DGKB: variants seen among roughly 807,000 people sequenced by gnomAD.
The protein encoded by DGKB is 90 kDa diacylglycerol kinase.
A neutral mutation model predicts 114.3 loss-of-function variants in DGKB; 67 were observed. The ratio of observed to expected loss-of-function variants is 0.59; its 90% CI spans 0.48 to 0.72. The LOEUF (loss-of-function observed/expected upper bound fraction) is 0.72, where lower values mean the gene tolerates loss of function less well. DGKB is among the 30% of genes least tolerant of loss of function. The pLI is 0.00. For missense variants in DGKB, 907 were observed against 975.2 expected (o/e 0.93, Z 0.93); for synonymous variants, 398 against 323.1 (o/e 1.23, Z -2.49).
intron 23 of DGKB, among the ~76,000 whole-genome samples, chr7:14,301,123 T>A (rs1027882100): frequency 1.3e-5 from 2 of 152,174 alleles, no homozygotes; most frequent in African/African-American, 4.8e-5. Flanking sequence ...CTGAAGTTTA[T>A]CTGTTTGCAG....
chr7:14,506,359 T>C (rs1169205667), intron 20 of DGKB, among the ~76,000 whole-genome samples: 1 of 152,076 alleles, frequency 6.6e-6, no homozygotes, highest in African/African-American at 2.4e-5. Flanking sequence ...GTTAAAAACT[T>C]TTGCTTAATC....
chr7:14,751,963 G>T (rs1217949670), intron 4 of DGKB, among the ~76,000 whole-genome samples: 1 of 152,098 alleles, frequency 6.6e-6, no homozygotes, highest in Non-Finnish European at 1.5e-5. Context: ...CCTTTTATGT[G>T]CAAGACACAG....
chr7:14,340,057 C>G (rs1294162030), intron 22 of DGKB, among the ~76,000 whole-genome samples: 1 of 151,404 alleles, frequency 6.6e-6, no homozygotes, highest in East Asian at 1.9e-4. Context: ...TAAAGAAACA[C>G]ATCTTGAGAC....
chr7:14,840,306 AT>A (rs1847745924), intron 2 of DGKB, among the ~76,000 whole-genome samples: 1 of 151,164 alleles, frequency 6.6e-6, no homozygotes, highest in Non-Finnish European at 1.5e-5. Context: ...TTCTTATTGC[AT>A]TCTCTATATA....
chr7:14,962,636 TTGTGTGTGTGTG>T (rs71004348), intron 1 of DGKB, among the ~76,000 whole-genome samples: 7 of 141,938 alleles, frequency 4.9e-5, no homozygotes, highest in Non-Finnish European at 7.7e-5. Context: ...GTGTGTGTGT[TTGTGTGTGTGTG>T]TGTGTGTGTG....
chr7:14,481,806 T>G (rs1289260422), intron 20 of DGKB, among the ~76,000 whole-genome samples: 1 of 151,978 alleles, frequency 6.6e-6, no homozygotes, highest in Non-Finnish European at 1.5e-5. Context: ...TACTAAAAAG[T>G]TTCAAAAGCT....
At chr7:14,569,022 A>G (rs534471257) in intron 20 of DGKB, among the ~76,000 whole-genome samples, 1 of 152,266 alleles carries the variant, frequency 6.6e-6, no homozygotes, top group East Asian at 1.9e-4. Flanking sequence ...CAACTCCACT[A>G]TTTGTTATAT....
intron 1 of DGKB, among the ~76,000 whole-genome samples, chr7:14,931,256 C>T (rs1209707044): frequency 3.3e-5 from 5 of 151,952 alleles, no homozygotes; most frequent in Non-Finnish European, 7.4e-5. Context: ...GGATTACAGG[C>T]GTGCGCCTCC....
intron 2 of DGKB, among the ~76,000 whole-genome samples, chr7:14,824,617 A>C: frequency 6.6e-6 from 1 of 152,142 alleles, no homozygotes; most frequent in Non-Finnish European, 1.5e-5. Context: ...ACTTAAAGAA[A>C]TATTGGTAAA....
chr7:14,514,538 T>C (rs1788476639), intron 20 of DGKB, among the ~76,000 whole-genome samples: 1 of 152,206 alleles, frequency 6.6e-6, no homozygotes, highest in Non-Finnish European at 1.5e-5. Flanking sequence ...GATTTGAATA[T>C]ATAATTTAAT....
chr7:14,393,116 C>A (rs370299781), intron 21 of DGKB, among the ~76,000 whole-genome samples: 10 of 151,056 alleles, frequency 6.6e-5, no homozygotes, highest in South Asian at 2.1e-4. Flanking sequence ...CAGCCTCCCG[C>A]GTAGCTGGGA....
intron 1 of DGKB, among the ~76,000 whole-genome samples, chr7:14,883,384 T>C (rs777091714): frequency 6.6e-6 from 1 of 151,986 alleles, no homozygotes; most frequent in African/African-American, 2.4e-5. Context: ...TAATGTTTGA[T>C]TAAATGACTA....
intron 1 of DGKB, among the ~76,000 whole-genome samples, chr7:14,899,205 T>C (rs111894731): frequency 5.8e-4 from 88 of 152,276 alleles, no homozygotes; most frequent in Non-Finnish European, 1.1e-3. Flanking sequence ...TTTTGCTTCC[T>C]GGCAAATTTT....
chr7:14,953,409 C>G (rs868358961), intron 1 of DGKB, among the ~76,000 whole-genome samples: 3 of 152,010 alleles, frequency 2.0e-5, no homozygotes, highest in East Asian at 1.9e-4. Context: ...AGACATTTCT[C>G]CTAATAATAT....
intron 13 of DGKB, among the ~76,000 whole-genome samples, chr7:14,667,064 GT>G (rs1818163865): frequency 6.6e-6 from 1 of 151,994 alleles, no homozygotes; most frequent in African/African-American, 2.4e-5. Context: ...TGTGAAAGCC[GT>G]TTGTAATGCA....
In DGKB at chr7:14,211,382, TTTTACTCTCATGTTTTGTGATA is replaced by T. The variant is rs1562628116; in HGVS notation, c.2123-33253_2123-33232del. Among the ~76,000 whole-genome samples, 9 of 75,028 alleles carry T rather than the reference TTTTACTCTCATGTTTTGTGATA, an allele frequency of 1.2e-4. 1 individual carries two copies. The highest frequency in any genetic ancestry group is 6.3e-4 in the African/African-American group (9 of 14,370). 49.2% of individuals were successfully genotyped at this position (75,028 alleles called of 152,430 possible). ...TGATATTTACTCTCGTGTTTTGTGATTTTACTCTCATGTTTTGTGATATTTACTCTCATGTTTTGTGATTTTA... is the reference window on the plus strand; with the variant it reads ...TGATATTTACTCTCGTGTTTTGTGATTTTACTCTCATGTTTTGTGATTTTA... On this transcript the variant is annotated intron_variant, in intron 23 of 25. Transcript: ENST00000402815.
intron 21 of DGKB, among the ~76,000 whole-genome samples, chr7:14,386,333 T>C (rs1370568187): frequency 1.3e-5 from 2 of 152,222 alleles, no homozygotes; most frequent in Non-Finnish European, 2.9e-5. Context: ...CATACTTTTC[T>C]TAGCAAATAT....
At chr7:14,247,095 T>C (rs1335664671) in intron 23 of DGKB, among the ~76,000 whole-genome samples, 1 of 152,174 alleles carries the variant, frequency 6.6e-6, no homozygotes, top group Non-Finnish European at 1.5e-5. Flanking sequence ...AGTATTTGTC[T>C]TTCTGTGTCT....
In DGKB at chr7:14,178,108, G is replaced by T; in HGVS notation, c.2166C>A (p.Ala722=). 1 of 1,612,840 alleles carries T rather than the reference G, an allele frequency of 6.2e-7. No homozygotes were observed. Among genetic ancestry groups the T allele is most frequent in the Non-Finnish European group, 8.5e-7 (1 of 1,179,584 alleles). The change falls in exon 24 of 26, where the codon GCC becomes GCA. Residue 722 remains alanine, a synonymous_variant. Coordinates refer to ENST00000402815, the MANE Select transcript of DGKB (RefSeq NM_001350709.2). ...QLLEVVGLEG[A]MEMGQIYTGL... is the part of the protein sequence containing the mutation. ...CTGTGTATATTTGCCCCATCTCCAT[G>T]GCTCCTTCCAAGCCGACCACCTCCA... is the stretch of plus-strand genomic sequence containing the variant.
Sources: allele counts gnomAD v4.1 joint callset (sites outside exome capture counted in the v4.1 genomes callset), GRCh38; gene constraint gnomAD v4.1.1; transcripts MANE v1.5; gene names NCBI Gene and HGNC (gene_info 2026-07-23, HGNC 2026-07-21).